ARHGEF12: variants seen among roughly 807,000 people sequenced by gnomAD.
ARHGEF12 encodes the protein Rho guanine nucleotide exchange factor 12, also known as KMT2A/ARHGEF12 fusion protein.
Under a neutral mutation model 211.2 loss-of-function variants are expected in ARHGEF12, and 66 were observed. The ratio of observed to expected loss-of-function variants is 0.31; its 90% CI spans 0.26 to 0.38. ARHGEF12 has a LOEUF of 0.38. ARHGEF12 is among the 10% of genes least tolerant of loss of function. ARHGEF12 has a pLI of 1.00. For synonymous variants in ARHGEF12, 592 were observed against 638.4 expected, an observed-to-expected ratio of 0.93 and a Z score of 1.09; for missense variants, 1,429 against 1,869.5, an observed-to-expected ratio of 0.76 and a Z score of 4.34.
rs1947476088 is a variant in ARHGEF12, at chr11:120,489,255, C to T, written c.*4178C>T. 4.4e-6 allele frequency: 1 copy of T among 227,308 alleles called. No homozygotes were observed. Among genetic ancestry groups the T allele is most frequent in the Admixed American group, 5.7e-5 (1 of 17,620 alleles). 14.1% of individuals were successfully genotyped at this position (227,308 alleles called of 1,614,324 possible). On this transcript the variant is annotated 3_prime_UTR_variant, in exon 41 of 41. Coordinates refer to ENST00000397843, the MANE Select transcript of ARHGEF12 (RefSeq NM_015313.3). Reference sequence around the variant, plus strand: ...GGCAGGTTTGTTGTTTTTTTAATAGCTTTATTGAGATATTCACATATCATA... The same window carrying T: ...GGCAGGTTTGTTGTTTTTTTAATAGTTTTATTGAGATATTCACATATCATA...
intron 40 of ARHGEF12, 99 bp downstream of exon 40, chr11:120,484,606 T>G: frequency 2.8e-6 from 3 of 1,089,106 alleles, no homozygotes; most frequent in Non-Finnish European, 4.0e-6. Context: ...GAGATTCCAT[T>G]TCTCTTCTGT....
intron 1 of ARHGEF12, among the ~76,000 whole-genome samples, chr11:120,355,604 G>T (rs2135333177): frequency 6.6e-6 from 1 of 152,298 alleles, no homozygotes; most frequent in Non-Finnish European, 1.5e-5. Flanking sequence ...TTACTTAGGA[G>T]GCTGAGGTGG....
chr11:120,480,396 C>T lies in ARHGEF12; in HGVS notation c.4203C>T (p.Asn1401=), dbSNP rs1444954607. The T allele has an allele frequency of 2.3e-5, 37 of 1,612,564 alleles. No homozygotes were observed. Among genetic ancestry groups the T allele is most frequent in the Non-Finnish European group, 3.0e-5 (35 of 1,179,182 alleles). ...CATCAGAAGGTGATGGAGCAGTTAACAAGGAAGAGAAGGATGTTAATTTAC... is the reference window on the plus strand; with the variant it reads ...CATCAGAAGGTGATGGAGCAGTTAATAAGGAAGAGAAGGATGTTAATTTAC... ...ENPSEGDGAV[N]KEEKDVNLRI... The change falls in exon 38 of 41, where the codon AAC becomes AAT. Residue 1401 remains asparagine (N), a synonymous_variant. Transcript: ENST00000397843.
At chr11:120,476,967 A>G (rs1947050177) in intron 34 of ARHGEF12, 1 of 587,528 alleles carries the variant, frequency 1.7e-6, no homozygotes, top group Admixed American at 3.4e-5. Context: ...AAATTGTGCA[A>G]AATGTCAAGT....
intron 1 of ARHGEF12, among the ~76,000 whole-genome samples, chr11:120,372,024 G>T (rs774424364): frequency 2.6e-5 from 4 of 152,202 alleles, no homozygotes; most frequent in Non-Finnish European, 4.4e-5. Context: ...TATTTAGATA[G>T]CTTATGATCT....
rs71473103 is a variant in ARHGEF12 at position 120,344,265 on chromosome 11, C to CAAAAAAAA, written c.32+7012_32+7019dup. Among the ~76,000 whole-genome samples, 71 of 53,024 alleles carry CAAAAAAAA rather than the reference C, an allele frequency of 1.3e-3. 6 individuals carry two copies. Among genetic ancestry groups the CAAAAAAAA allele is most frequent in the African/African-American group, 5.0e-3 (69 of 13,864 alleles). 34.8% of individuals were successfully genotyped at this position (53,024 alleles called of 152,430 possible). On this transcript the variant is annotated intron_variant, in intron 1 of 40. Coordinates refer to ENST00000397843, the MANE Select transcript of ARHGEF12 (RefSeq NM_015313.3). The stretch of plus-strand genomic sequence containing the variant: ...TGGATGACAGAGCAAGACTCCGTCT[C>CAAAAAAAA]AAAAAAAAAAAAAAAAAAAAAAAAA...
chr11:120,456,669 C>G (rs761418658), intron 22 of ARHGEF12, among the ~76,000 whole-genome samples: 24 of 152,122 alleles, frequency 1.6e-4, no homozygotes, highest in Non-Finnish European at 2.9e-4. Context: ...CTTGCTATTT[C>G]TTACGTTAAT....
chr11:120,364,157 T>C (rs1169086748), intron 1 of ARHGEF12, among the ~76,000 whole-genome samples: 2 of 152,184 alleles, frequency 1.3e-5, no homozygotes, highest in Non-Finnish European at 2.9e-5. Flanking sequence ...CGTCAGTCTG[T>C]AAATATTTGA....
intron 22 of ARHGEF12, among the ~76,000 whole-genome samples, chr11:120,456,047 T>A (rs1946351971): frequency 6.6e-6 from 1 of 152,216 alleles, no homozygotes; most frequent in African/African-American, 2.4e-5. Flanking sequence ...ACTAGTATAT[T>A]TCTTAATCTG....
rs1426650315 is a variant in ARHGEF12 at position 120,347,266 on chromosome 11, C to CTCTGTGTGTGTGTGTG, written c.32+9992_32+9993insCTGTGTGTGTGTGTGT. Among the ~76,000 whole-genome samples, 7 of 133,594 alleles carry CTCTGTGTGTGTGTGTG rather than the reference C, an allele frequency of 5.2e-5. No individual in the cohort carries two copies. The South Asian group carries it at 1.7e-3, about 33-fold the overall frequency. The allele number at this position is 133,594 out of a possible 152,430, so 87.6% of individuals were successfully genotyped here. A position where few individuals can be genotyped will look rare whatever the true frequency, so the allele number is the denominator to read the frequency against. ...TCTGTTTCTCTCTCTCTCTCTCTCT[C>CTCTGTGTGTGTGTGTG]TGTCTGTGTGTGTGTGTGTGTGTGT... is the stretch of plus-strand genomic sequence containing the variant. On this transcript the variant is annotated intron_variant, in intron 1 of 40. Coordinates refer to ENST00000397843, the MANE Select transcript of ARHGEF12 (RefSeq NM_015313.3).
At chr11:120,452,628 A>C (rs976404597) in intron 22 of ARHGEF12, among the ~76,000 whole-genome samples, 1 of 152,212 alleles carries the variant, frequency 6.6e-6, no homozygotes, top group Non-Finnish European at 1.5e-5. Context: ...TAGCATTGCT[A>C]GATGATTGAT....
intron 1 of ARHGEF12, among the ~76,000 whole-genome samples, chr11:120,403,865 G>A (rs1944615899): frequency 6.6e-6 from 1 of 152,128 alleles, no homozygotes; most frequent in South Asian, 2.1e-4. Flanking sequence ...TAGGAGTTTT[G>A]TTCACCAGAA....
intron 3 of ARHGEF12, chr11:120,408,583 C>T (rs1258353249): frequency 6.6e-6 from 1 of 151,808 alleles, no homozygotes; most frequent in African/African-American, 2.4e-5. Context: ...GAAGTAAATC[C>T]CGCTATCTCA....
In ARHGEF12 at chr11:120,428,218, G is replaced by A. The variant is rs202125964; in HGVS notation, c.556G>A (p.Glu186Lys). Reference sequence around the variant, plus strand: ...TTCACCTGGAGCATCTGGGAATATGGAGAGAATCACTAGTCCTGTGCTCAT... The same window carrying A: ...TTCACCTGGAGCATCTGGGAATATGAAGAGAATCACTAGTCCTGTGCTCAT... ...PHSPGASGNM[E>K]RITSPVLMGE... Residue 186 changes from glutamate to lysine, a missense_variant, in exon 8 of 41, where the codon GAG becomes AAG. Physicochemically the swap from Glu to Lys is moderately conservative, Grantham distance 56. Transcript: ENST00000397843. 1.2e-5 allele frequency: 19 copies of A among 1,610,202 alleles called. No homozygotes were observed. Among genetic ancestry groups the A allele is most frequent in the Non-Finnish European group, 1.6e-5 (19 of 1,178,412 alleles).
At chr11:120,349,997 A>T (rs1486507366) in intron 1 of ARHGEF12, among the ~76,000 whole-genome samples, 1 of 152,220 alleles carries the variant, frequency 6.6e-6, no homozygotes, top group Non-Finnish European at 1.5e-5. Context: ...GTTAGTTTGG[A>T]TTGGCAGTAT....
chr11:120,471,177 T>A (rs1278581739), intron 30 of ARHGEF12, among the ~76,000 whole-genome samples: 2 of 152,180 alleles, frequency 1.3e-5, no homozygotes. Context: ...TTATAGCAAC[T>A]TTATTCATAA....
At chr11:120,338,123 A>G (rs1942413923) in intron 1 of ARHGEF12, among the ~76,000 whole-genome samples, 1 of 152,248 alleles carries the variant, frequency 6.6e-6, no homozygotes, top group South Asian at 2.1e-4. Flanking sequence ...GATAAAAAGC[A>G]TATTGATTCC....
At chr11:120,395,424 A>T (rs751634984) in intron 1 of ARHGEF12, among the ~76,000 whole-genome samples, 2 of 152,208 alleles carry the variant, frequency 1.3e-5, no homozygotes, top group African/African-American at 2.4e-5. Context: ...TTAGATTAGA[A>T]TTAGAGATAT....
chr11:120,379,457 A>G (rs747070919), intron 1 of ARHGEF12, among the ~76,000 whole-genome samples: 3 of 151,964 alleles, frequency 2.0e-5, no homozygotes, highest in African/African-American at 7.2e-5. Flanking sequence ...GCAGACATGT[A>G]GACATCTTTT....
Sources: gnomAD v4.1 joint callset for allele counts (sites outside exome capture counted in the v4.1 genomes callset) on GRCh38, gnomAD v4.1.1 for gene constraint, MANE v1.5 for transcripts, NCBI Gene and HGNC (gene_info 2026-07-23, HGNC 2026-07-21) for gene names.